The following TTC28 variants were observed in gnomAD, a reference collection of about 807,000 sequenced individuals.
The protein encoded by TTC28 is tetratricopeptide repeat protein 28.
TTC28 carries 61 observed loss-of-function variants against 198.0 expected under a neutral mutation model. The ratio of observed to expected loss-of-function variants is 0.31; its 90% confidence interval spans 0.25 to 0.38. TTC28 has a LOEUF of 0.38. Ranked by LOEUF, TTC28 falls within the 10% of genes least tolerant of loss-of-function variation. The pLI is 1.00. For missense variants in TTC28, 2,678 were observed against 3,164.0 expected, an observed-to-expected ratio of 0.85 and a Z score of 3.69; for synonymous variants, 1,171 against 1,297.8, an observed-to-expected ratio of 0.90 and a Z score of 2.10.
At chr22:28,156,004 T>G (rs779360362) in intron 6 of TTC28, among the ~76,000 whole-genome samples, 1 of 152,168 alleles carries the variant, frequency 6.6e-6, no homozygotes, top group Non-Finnish European at 1.5e-5. Context: ...ATAATCTTCA[T>G]GAGAAAATGT....
At chr22:28,069,197 C>T (rs896730883) in intron 12 of TTC28, among the ~76,000 whole-genome samples, 4 of 152,188 alleles carry the variant, frequency 2.6e-5, no homozygotes, top group Non-Finnish European at 4.4e-5. Flanking sequence ...CCCCAGGAGG[C>T]ATGTTGGCAC....
At chr22:28,625,099 C>G (rs900499143) in intron 2 of TTC28, among the ~76,000 whole-genome samples, 4 of 152,126 alleles carry the variant, frequency 2.6e-5, no homozygotes, top group African/African-American at 9.7e-5. Flanking sequence ...ACATCATGCT[C>G]AACAATGTGA....
intron 2 of TTC28, among the ~76,000 whole-genome samples, chr22:28,503,748 T>A (rs1306103594): frequency 1.3e-5 from 2 of 152,232 alleles, no homozygotes; most frequent in Admixed American, 6.5e-5. Context: ...TGATAAATAA[T>A]GGAAGTATCT....
At position 28,506,429 on chromosome 22, in the gene TTC28, G is replaced by C. The variant is rs373069637; in HGVS notation, c.381+123123C>G. Reference sequence around the variant, plus strand: ...ATCTCTCCCTGGGACAGAGCTCCCGGGGGGAGGGGTGGCTGCCATCTCAGT... The same window carrying C: ...ATCTCTCCCTGGGACAGAGCTCCCGCGGGGAGGGGTGGCTGCCATCTCAGT... On this transcript the variant is annotated intron_variant, in intron 2 of 22. Coordinates refer to ENST00000397906, the MANE Select transcript of TTC28 (RefSeq NM_001145418.2). 2.2e-4 allele frequency among the ~76,000 whole-genome samples: 33 copies of C among 152,248 alleles called. No individual in the cohort carries two copies. In the South Asian group the frequency reaches 3.3e-3, roughly 15 times the overall value.
chr22:28,186,882 G>A (rs1051738286), intron 5 of TTC28, among the ~76,000 whole-genome samples: 9 of 152,204 alleles, frequency 5.9e-5, no homozygotes, highest in South Asian at 4.1e-4. Context: ...GGATACAGCC[G>A]TTTCCTGTTC....
chr22:28,089,450 T>A (rs1227017736), intron 12 of TTC28, among the ~76,000 whole-genome samples: 1 of 139,530 alleles, frequency 7.2e-6, no homozygotes, highest in African/African-American at 2.7e-5. Flanking sequence ...CACTCATAGG[T>A]GGGAATTGAA....
intron 2 of TTC28, among the ~76,000 whole-genome samples, chr22:28,605,981 G>A (rs1033944647): frequency 1.3e-5 from 2 of 151,972 alleles, no homozygotes; most frequent in Non-Finnish European, 2.9e-5. Flanking sequence ...TACAAATTTG[G>A]TAAGGCAATG....
chr22:28,297,666 G>A lies in TTC28; in HGVS notation c.716C>T (p.Ala239Val). The A allele has an allele frequency of 6.4e-7, 1 of 1,551,662 alleles. No homozygotes were observed. Among genetic ancestry groups the A allele is most frequent in the Non-Finnish European group, 8.7e-7 (1 of 1,146,978 alleles). Residue 239 changes from alanine (A) to valine (V), a missense_variant, in exon 4 of 23, where the codon GCC becomes GTC. Physicochemically the swap from Ala to Val is moderately conservative, Grantham distance 64. This residue lies in a region of TTC28 where 36 missense variants were observed against 78.7 expected (regional missense o/e 0.46). Coordinates refer to ENST00000397906, the MANE Select transcript of TTC28 (RefSeq NM_001145418.2). ...SLKLRGSVFS[A>V]LSSAYWSLGN... ...AAGAGACCAGTAAGCACTGCTCAGG[G>A]CAGAGAAAACAGAACCTCTCAGTTT...
intron 5 of TTC28, among the ~76,000 whole-genome samples, chr22:28,239,524 G>T (rs1929507374): frequency 6.6e-6 from 1 of 152,148 alleles, no homozygotes; most frequent in Non-Finnish European, 1.5e-5. Context: ...GCTTACCTGA[G>T]ATAGGTGCTG....
At chr22:28,566,728 AG>A (rs1466803948) in intron 2 of TTC28, among the ~76,000 whole-genome samples, 1 of 152,244 alleles carries the variant, frequency 6.6e-6, no homozygotes, top group African/African-American at 2.4e-5. Context: ...AGAGAAAAAA[AG>A]TTCTTGAAAA....
chr22:28,026,374 C>T (rs1938836306), intron 13 of TTC28, among the ~76,000 whole-genome samples: 1 of 151,976 alleles, frequency 6.6e-6, no homozygotes, highest in South Asian at 2.1e-4. Context: ...CCCATGTGAC[C>T]CACCCAGCAG....
intron 6 of TTC28, among the ~76,000 whole-genome samples, chr22:28,123,680 C>T (rs1601346333): frequency 6.6e-6 from 1 of 152,074 alleles, no homozygotes; most frequent in Admixed American, 6.6e-5. Flanking sequence ...ATCAACCTGC[C>T]TTCTCAATAT....
chr22:28,087,448 A>G (rs1190519367), intron 12 of TTC28, among the ~76,000 whole-genome samples: 11 of 152,208 alleles, frequency 7.2e-5, no homozygotes, highest in Admixed American at 5.9e-4. Flanking sequence ...AAGGCCTTTG[A>G]CAAAATTCAA....
At chr22:28,211,184 A>G (rs963193938) in intron 5 of TTC28, among the ~76,000 whole-genome samples, 15 of 152,318 alleles carry the variant, frequency 9.8e-5, no homozygotes, top group Non-Finnish European at 1.9e-4. Flanking sequence ...AAACATGCCA[A>G]ATTGTAAAGA....
At chr22:28,053,266 C>A (rs891078897) in intron 12 of TTC28, among the ~76,000 whole-genome samples, 1 of 152,220 alleles carries the variant, frequency 6.6e-6, no homozygotes, top group Non-Finnish European at 1.5e-5. Flanking sequence ...CACTGCTGGG[C>A]ATCTGCACAG....
chr22:28,186,213 C>T (rs1293823520), intron 5 of TTC28, among the ~76,000 whole-genome samples: 1 of 152,086 alleles, frequency 6.6e-6, no homozygotes, highest in Admixed American at 6.5e-5. Flanking sequence ...TTTACTGCCT[C>T]CCCCACAGAT....
intron 2 of TTC28, among the ~76,000 whole-genome samples, chr22:28,406,483 G>A (rs1269899000): frequency 1.3e-5 from 2 of 152,190 alleles, no homozygotes; most frequent in African/African-American, 2.4e-5. Context: ...TGGCCCTGCT[G>A]TGTAGCGGAG....
rs562130915 is a variant in TTC28, at chr22:27,982,097, C to T, written c.*124G>A. The T allele has an allele frequency of 4.7e-5, 49 of 1,041,530 alleles. No individual in the cohort carries two copies. The Admixed American group carries it at 1.3e-3, about 28-fold the overall frequency. The allele number at this position is 1,041,530 out of a possible 1,614,324, so 64.5% of individuals were successfully genotyped here. ...CCTTTGGACGTGGTGGTGCCCCTCG[C>T]CTGCAGAGCACAGCATCATGAGGGT... On this transcript the variant is annotated 3_prime_UTR_variant, in exon 23 of 23. Coordinates refer to ENST00000397906, the MANE Select transcript of TTC28 (RefSeq NM_001145418.2). The surrounding 1 kb of genome is among the most constrained non-coding windows in gnomAD (Gnocchi z 5.2).
chr22:28,091,615 C>T (rs932603899), intron 12 of TTC28, among the ~76,000 whole-genome samples: 3 of 152,216 alleles, frequency 2.0e-5, no homozygotes, highest in South Asian at 2.1e-4. Context: ...GGCTTAGGGA[C>T]ACAAAGTCCC....
Sources: allele counts gnomAD v4.1 joint callset (sites outside exome capture counted in the v4.1 genomes callset), GRCh38; gene constraint gnomAD v4.1.1; regional missense constraint gnomAD v4.1.1; non-coding constraint Gnocchi (gnomAD v3.1); transcripts MANE v1.5; gene names NCBI Gene and HGNC (gene_info 2026-07-23, HGNC 2026-07-21).